Variants in BCO2 observed in about 807,000 individuals in gnomAD.
The protein encoded by BCO2 is carotenoid-cleaving dioxygenase, mitochondrial.
BCO2 carries 56 observed loss-of-function variants against 65.8 expected under a neutral mutation model. The observed-to-expected ratio is 0.85, with a 90% CI of 0.69 to 1.06. BCO2 has a LOEUF of 1.06. Among genes scored for constraint, BCO2 ranks in the 50% least tolerant of loss-of-function variants. BCO2 has a pLI of 0.00. For missense variants in BCO2, 675 were observed against 698.5 expected (o/e 0.97, Z 0.38); for synonymous variants, 233 against 242.3 (o/e 0.96, Z 0.36).
chr11:112,190,844 G>A (rs1288807998), intron 2 of BCO2, among the ~76,000 whole-genome samples: 2 of 138,364 alleles, frequency 1.4e-5, no homozygotes, highest in Non-Finnish European at 3.1e-5. Context: ...GCGACAGAGT[G>A]AGACTCTGTC....
At position 112,181,103 on chromosome 11, in the gene BCO2, G is replaced by A. The variant is rs1032590786; in HGVS notation, c.293+1621G>A. On this transcript the variant is annotated intron_variant, in intron 2 of 11. Transcript: ENST00000357685. Reference sequence around the variant, plus strand: ...TACACGGAGCACTTTAGTGAATAAAGAACCTGACAGTATGCTGGCCCACAT... The same window carrying A: ...TACACGGAGCACTTTAGTGAATAAAAAACCTGACAGTATGCTGGCCCACAT... The A allele has an allele frequency of 2.4e-5, 35 of 1,481,858 alleles. No homozygotes were observed. The African/African-American group carries it at 4.9e-4, about 21-fold the overall frequency. 91.8% of individuals were successfully genotyped at this position (1,481,858 alleles called of 1,614,324 possible).
chr11:112,181,518 AC>A, intron 2 of BCO2: 1 of 733,306 alleles, frequency 1.4e-6, no homozygotes, highest in East Asian at 2.6e-5. Context: ...AGTACTTTGA[AC>A]CCATTTTGAA....
rs577228864 is a variant in BCO2 at position 112,188,549 on chromosome 11, C to G, written c.294-4925C>G. ...AGACCTGTTTCTCCAACATTATCAC[C>G]TGCTCCGCCCACATGCTACCCCCTC... is the stretch of plus-strand genomic sequence containing the variant. On this transcript the variant is annotated intron_variant, in intron 2 of 11. Transcript: ENST00000357685. Among the ~76,000 whole-genome samples, 8 of 152,258 alleles carry G rather than the reference C, an allele frequency of 5.3e-5. No homozygotes were observed. The South Asian group carries it at 1.7e-3, about 32-fold the overall frequency.
intron 11 of BCO2, 26 bp from the exon 12 acceptor site, chr11:112,217,735 T>A (rs371172782): frequency 6.5e-7 from 1 of 1,539,974 alleles, no homozygotes; most frequent in Non-Finnish European, 9.0e-7. Flanking sequence ...AAAAGATAAT[T>A]TTCAATATTG....
chr11:112,183,269 T>C, intron 2 of BCO2: 1 of 710,352 alleles, frequency 1.4e-6, no homozygotes, highest in Admixed American at 2.1e-5. Context: ...TCCACTCAGT[T>C]GTCTAGAAGA....
chr11:112,216,422 C>T (rs1182287942), intron 11 of BCO2, 92 bp downstream of exon 11: 5 of 838,938 alleles, frequency 6.0e-6, no homozygotes, highest in Admixed American at 2.2e-5. Context: ...CGATAGTTTA[C>T]TTTGATTCCT....
At position 112,181,111 on chromosome 11, in the gene BCO2, C is replaced by G. The variant is rs1867028409; in HGVS notation, c.293+1629C>G. 4 of 1,470,888 alleles carry G rather than the reference C, an allele frequency of 2.7e-6. No homozygotes were observed. The African/African-American group carries it at 4.2e-5, about 15-fold the overall frequency. The allele number at this position is 1,470,888 out of a possible 1,614,324, so 91.1% of individuals were successfully genotyped here. On this transcript the variant is annotated intron_variant, in intron 2 of 11. Transcript: ENST00000357685. ...GCACTTTAGTGAATAAAGAACCTGACAGTATGCTGGCCCACATGTTTAAGG... is the reference window on the plus strand; with the variant it reads ...GCACTTTAGTGAATAAAGAACCTGAGAGTATGCTGGCCCACATGTTTAAGG...
intron 2 of BCO2, among the ~76,000 whole-genome samples, chr11:112,185,204 G>T (rs997820892): frequency 6.6e-5 from 10 of 152,172 alleles, no homozygotes; most frequent in African/African-American, 2.4e-4. Flanking sequence ...TCACTTAAAG[G>T]TACCTCTGTA....
intron 1 of BCO2, among the ~76,000 whole-genome samples, chr11:112,177,749 C>A (rs779647988): frequency 2.6e-4 from 40 of 152,024 alleles, no homozygotes; most frequent in Non-Finnish European, 7.4e-5. Context: ...GTGATAAGTG[C>A]CTTTCTCAAG....
At chr11:112,216,025 G>A (rs960524565) in intron 10 of BCO2, 195 bp from the exon 11 acceptor site, 2 of 579,540 alleles carry the variant, frequency 3.5e-6, no homozygotes, top group South Asian at 4.1e-5. Flanking sequence ...ATTCATGAGG[G>A]ACTGGCCCCC....
intron 2 of BCO2, among the ~76,000 whole-genome samples, chr11:112,180,114 C>T (rs1255821436): frequency 6.6e-6 from 1 of 152,194 alleles, no homozygotes; most frequent in Non-Finnish European, 1.5e-5. Context: ...TGCTTTTAAC[C>T]TACATATATC....
In BCO2 at chr11:112,183,787, A is replaced by G. The variant is rs564722875; in HGVS notation, c.293+4305A>G. ...TACAATGTTTACTTTTTAGGAAAAAACAGTAGCTAAATTAAAGTAATATCC... is the reference window on the plus strand; with the variant it reads ...TACAATGTTTACTTTTTAGGAAAAAGCAGTAGCTAAATTAAAGTAATATCC... On this transcript the variant is annotated intron_variant, in intron 2 of 11. Transcript: ENST00000357685. Among the ~76,000 whole-genome samples the G allele has an allele frequency of 1.3e-3, 203 of 152,322 alleles. 1 individual carries two copies. The highest frequency in any genetic ancestry group is 4.6e-3 in the African/African-American group (190 of 41,566).
intron 8 of BCO2, among the ~76,000 whole-genome samples, chr11:112,213,196 T>G (rs1382287981): frequency 3.2e-5 from 4 of 123,586 alleles, no homozygotes; most frequent in Non-Finnish European, 4.7e-5. Flanking sequence ...CAGGCTGGAG[T>G]GCAATGGCAT....
At chr11:112,178,424 ACTT>A (rs1005207077) in intron 1 of BCO2, among the ~76,000 whole-genome samples, 1 of 152,220 alleles carries the variant, frequency 6.6e-6, no homozygotes, top group African/African-American at 2.4e-5. Context: ...TGCAAATCTC[ACTT>A]CTTCAGAGTA....
chr11:112,201,956 C>CT, intron 7 of BCO2, 67 bp from the exon 8 acceptor site: 4 of 1,409,792 alleles, frequency 2.8e-6, no homozygotes, highest in Non-Finnish European at 3.8e-6. Context: ...GACCTGTTTC[C>CT]TAAAGGAAAG....
intron 1 of BCO2, chr11:112,175,898 A>G: frequency 2.1e-6 from 1 of 474,112 alleles, no homozygotes; most frequent in Non-Finnish European, 3.8e-6. Context: ...CAGCCTTCAC[A>G]TTTGTATATT....
intron 5 of BCO2, 122 bp from the exon 6 acceptor site, chr11:112,199,577 T>C (rs1867673216): frequency 1.3e-6 from 1 of 780,528 alleles, no homozygotes; most frequent in Non-Finnish European, 2.0e-6. Context: ...CTTCAGGAAA[T>C]AAGAGTGTCA....
rs758633497 is a variant in BCO2 at position 112,213,873 on chromosome 11, A to G, written c.1332+12A>G. On this transcript the variant is annotated intron_variant, in intron 9 of 11. Coordinates refer to ENST00000357685, the MANE Select transcript of BCO2 (RefSeq NM_031938.7). Reference sequence around the variant, plus strand: ...AGGCTGATGGAACGGTATGCTATGAACAGACATTAGACTAAGACTTTGAAC... The same window carrying G: ...AGGCTGATGGAACGGTATGCTATGAGCAGACATTAGACTAAGACTTTGAAC... 3.2e-6 allele frequency: 5 copies of G among 1,542,498 alleles called. No homozygotes were observed. Among genetic ancestry groups the G allele is most frequent in the Non-Finnish European group, 4.4e-6 (5 of 1,141,720 alleles).
chr11:112,179,296 G>A lies in BCO2; in HGVS notation c.107G>A (p.Gly36Glu). The change falls in exon 2 of 12, where the codon GGA becomes GAA. Residue 36 changes from glycine to glutamate, a missense_variant. Transcript: ENST00000357685. Reference protein sequence around the residue: ...HRLPVFKRYMGNTPQKKAVFG... With the variant: ...HRLPVFKRYMENTPQKKAVFG... ...TGCACAGTTTTCAAAAGGTACATGG[G>A]AAATACTCCTCAGAAAAAAGCCGTC... is the stretch of plus-strand genomic sequence containing the variant. The A allele has an allele frequency of 6.2e-7, 1 of 1,614,110 alleles. No individual in the cohort carries two copies. Among genetic ancestry groups the A allele is most frequent in the Non-Finnish European group, 8.5e-7 (1 of 1,180,010 alleles).
Sources: allele counts gnomAD v4.1 joint callset (sites outside exome capture counted in the v4.1 genomes callset), GRCh38; gene constraint gnomAD v4.1.1; transcripts MANE v1.5; gene names NCBI Gene and HGNC (gene_info 2026-07-23, HGNC 2026-07-21).